The following CNTNAP3 variants were observed in gnomAD, a reference collection of about 807,000 sequenced individuals.
CNTNAP3 encodes the protein contactin associated protein family member 3, also known as contactin-associated protein-like 3.
Under a neutral mutation model 92.1 loss-of-function variants are expected in CNTNAP3, and 36 were observed. The ratio of observed to expected loss-of-function variants is 0.39; its 90% CI spans 0.30 to 0.52. The LOEUF is 0.52. CNTNAP3 is among the 20% of genes least tolerant of loss of function. The pLI, the probability that CNTNAP3 is intolerant of heterozygous loss-of-function variation, is 0.76. For synonymous variants in CNTNAP3, 232 were observed against 422.3 expected (o/e 0.55, Z 5.53); for missense variants, 534 against 1,069.6 (o/e 0.50, Z 6.98).
intron 19 of CNTNAP3, among the ~76,000 whole-genome samples, chr9:39,087,729 G>A (rs374217796): frequency 0.018 from 2,799 of 151,372 alleles, 87 homozygotes; most frequent in African/African-American, 0.063. Context: ...CTCGTGATCC[G>A]CCTGCCTTGG....
chr9:39,120,463 A>G (rs1051371250), intron 13 of CNTNAP3, among the ~76,000 whole-genome samples: 37 of 152,198 alleles, frequency 2.4e-4, no homozygotes, highest in African/African-American at 8.9e-4. Context: ...TCACGAGGTC[A>G]GATCGAAACC....
At chr9:39,122,950 G>C (rs1462946227) in intron 13 of CNTNAP3, among the ~76,000 whole-genome samples, 1 of 152,088 alleles carries the variant, frequency 6.6e-6, no homozygotes, top group Non-Finnish European at 1.5e-5. Flanking sequence ...GTCTTTGATG[G>C]CCTCATCAAA....
intron 18 of CNTNAP3, among the ~76,000 whole-genome samples, chr9:39,098,257 A>G (rs1826371165): frequency 6.7e-6 from 1 of 149,346 alleles, no homozygotes. Context: ...TTAATTTTAT[A>G]TCAAGTTAAT....
At chr9:39,086,677 TA>T in intron 20 of CNTNAP3, 38 bp downstream of exon 20, 1 of 1,591,980 alleles carries the variant, frequency 6.3e-7, no homozygotes, top group South Asian at 1.2e-5. Flanking sequence ...CTTAAAATAA[TA>T]ATATTAGTTA....
intron 15 of CNTNAP3, among the ~76,000 whole-genome samples, chr9:39,107,641 CTGA>C (rs1826640017): frequency 6.6e-6 from 1 of 152,058 alleles, no homozygotes; most frequent in Non-Finnish European, 1.5e-5. Flanking sequence ...GAGAACACAG[CTGA>C]TAACAAATTA....
chr9:39,114,628 C>T (rs1820810151), intron 14 of CNTNAP3, among the ~76,000 whole-genome samples: 1 of 152,080 alleles, frequency 6.6e-6, no homozygotes, highest in African/African-American at 2.4e-5. Context: ...TAAGCTATAG[C>T]TTCTTTAAAA....
At chr9:39,121,055 A>C (rs1251531309) in intron 13 of CNTNAP3, among the ~76,000 whole-genome samples, 2 of 152,156 alleles carry the variant, frequency 1.3e-5, no homozygotes, top group African/African-American at 2.4e-5. Flanking sequence ...ATACCAAGCA[A>C]CGAGTAAGAA....
At chr9:39,074,897 T>C (rs531202538) in intron 23 of CNTNAP3, among the ~76,000 whole-genome samples, 316 of 152,372 alleles carry the variant, frequency 2.1e-3, no homozygotes, top group Non-Finnish European at 1.9e-3. Context: ...GGCTCCTGAG[T>C]AGCTGGGACT....
rs1825541672 is a variant in CNTNAP3 at position 39,067,778 on chromosome 9, C to CT, written c.*6111dup. Among the ~76,000 whole-genome samples the CT allele has an allele frequency of 6.6e-6, 1 of 152,300 alleles. No homozygotes were observed. Among genetic ancestry groups the CT allele is most frequent in the Non-Finnish European group, 1.5e-5 (1 of 68,052 alleles). On this transcript the variant is annotated 3_prime_UTR_variant, in exon 24 of 24. Coordinates refer to ENST00000297668, the MANE Select transcript of CNTNAP3 (RefSeq NM_033655.5). ...AATTAGTTATTGGAAACGGTTTGAT[C>CT]TTTTTTTCCAAATCTTTGAAGATTT...
At position 39,275,006 on chromosome 9, in the gene CNTNAP3, G is replaced by A. The variant is rs1587762888; in HGVS notation, c.86-8000C>T. Among the ~76,000 whole-genome samples the A allele has an allele frequency of 7.1e-5, 2 of 28,356 alleles. 1 individual carries two copies. Among genetic ancestry groups the A allele is most frequent in the African/African-American group, 1.4e-4 (2 of 14,246 alleles). The allele number at this position is 28,356 out of a possible 152,430, so 18.6% of individuals were successfully genotyped here. ...CTAAAGGAGGATGTTCGAACCCATC[G>A]CAAAGAAGCTAAAAACCTTGAAAAA... On this transcript the variant is annotated intron_variant, in intron 1 of 23. Coordinates refer to ENST00000297668, the MANE Select transcript of CNTNAP3 (RefSeq NM_033655.5).
chr9:39,128,275 TAA>T lies in CNTNAP3; in HGVS notation c.2080+4655_2080+4656del, dbSNP rs574198345. Among the ~76,000 whole-genome samples the T allele has an allele frequency of 4.1e-4, 63 of 152,016 alleles. 2 individuals carry two copies. The East Asian group carries it at 0.01, about 24-fold the overall frequency. Reference sequence around the variant, plus strand: ...GTATTGTCCTGATACTGAAACCAGATAAAGACAATATGAAAAAAGAAAACTAC... The same window carrying T: ...GTATTGTCCTGATACTGAAACCAGATAGACAATATGAAAAAAGAAAACTAC... On this transcript the variant is annotated intron_variant, in intron 13 of 23. Transcript: ENST00000297668.
chr9:39,083,324 T>A (rs924888298), intron 21 of CNTNAP3, among the ~76,000 whole-genome samples: 116 of 152,200 alleles, frequency 7.6e-4, no homozygotes, highest in Non-Finnish European at 1.2e-3. Context: ...CATCTTCCAT[T>A]TTTGCACTCT....
rs1822826247 is a variant in CNTNAP3, at chr9:39,253,788, G to A, written c.196+13108C>T. 1.8e-4 allele frequency among the ~76,000 whole-genome samples: 5 copies of A among 28,510 alleles called. 2 individuals carry two copies. Among genetic ancestry groups the A allele is most frequent in the African/African-American group, 3.4e-4 (5 of 14,578 alleles). 18.7% of individuals were successfully genotyped at this position (28,510 alleles called of 152,430 possible). A position where few individuals can be genotyped will look rare whatever the true frequency, so the allele number is the denominator to read the frequency against. ...TCTACATTTCCTAAGCATCTGAAAC[G>A]TAGTGTGACAATTTCATATATATTA... On this transcript the variant is annotated intron_variant, in intron 2 of 23. Coordinates refer to ENST00000297668, the MANE Select transcript of CNTNAP3 (RefSeq NM_033655.5).
chr9:39,123,003 T>G lies in CNTNAP3; in HGVS notation c.2081-4744A>C, dbSNP rs552870131. Among the ~76,000 whole-genome samples, 16 of 152,180 alleles carry G rather than the reference T, an allele frequency of 1.1e-4. 1 individual carries two copies. Among genetic ancestry groups the G allele is most frequent in the African/African-American group, 3.9e-4 (16 of 41,508 alleles). On this transcript the variant is annotated intron_variant, in intron 13 of 23. Coordinates refer to ENST00000297668, the MANE Select transcript of CNTNAP3 (RefSeq NM_033655.5). ...AGTGCTGAGGAAAGAATCAGTGAGTTTGAAGATACGTCAATAAAATTTTTC... is the reference window on the plus strand; with the variant it reads ...AGTGCTGAGGAAAGAATCAGTGAGTGTGAAGATACGTCAATAAAATTTTTC...
At chr9:39,075,881 G>C in intron 23 of CNTNAP3, among the ~76,000 whole-genome samples, 1 of 152,312 alleles carries the variant, frequency 6.6e-6, no homozygotes, top group Non-Finnish European at 1.5e-5. Context: ...TCAGAGGTCT[G>C]TCCCAACTAC....
At position 39,135,268 on chromosome 9, in the gene CNTNAP3, A is replaced by AT. The variant is rs1273425409; in HGVS notation, c.1877-2134dup. On this transcript the variant is annotated intron_variant, in intron 12 of 23. Coordinates refer to ENST00000297668, the MANE Select transcript of CNTNAP3 (RefSeq NM_033655.5). The stretch of plus-strand genomic sequence containing the variant: ...AAAGAGCATCTAATATAACCCTTAT[A>AT]TTTTTCTTTTTCTTTTTTATTAGAG... Among the ~76,000 whole-genome samples the AT allele has an allele frequency of 1.9e-4, 29 of 152,056 alleles. 1 individual carries two copies. The highest frequency in any genetic ancestry group is 6.8e-4 in the African/African-American group (28 of 41,442).
At chr9:39,103,211 G>C (rs1384971089) in intron 16 of CNTNAP3, among the ~76,000 whole-genome samples, 1 of 152,294 alleles carries the variant, frequency 6.6e-6, no homozygotes, top group African/African-American at 2.4e-5. Context: ...TGGCTCTGCT[G>C]TTCTGTACTC....
chr9:39,104,056 T>C (rs1826534720), intron 15 of CNTNAP3, 142 bp from the exon 16 acceptor site: 1 of 1,376,188 alleles, frequency 7.3e-7, no homozygotes, highest in Non-Finnish European at 9.7e-7. Flanking sequence ...TGAGCATCCA[T>C]GTCATATACT....
chr9:39,161,629 A>C (rs1173493390), intron 9 of CNTNAP3, among the ~76,000 whole-genome samples: 1 of 123,106 alleles, frequency 8.1e-6, no homozygotes, highest in Non-Finnish European at 1.7e-5. Flanking sequence ...AAGCCTGGGC[A>C]ACATAGCGAG....
Sources: allele counts gnomAD v4.1 joint callset (sites outside exome capture counted in the v4.1 genomes callset), GRCh38; gene constraint gnomAD v4.1.1; transcripts MANE v1.5; gene names NCBI Gene and HGNC (gene_info 2026-07-23, HGNC 2026-07-21).